FGGY: variants seen among roughly 807,000 people sequenced by gnomAD.
FGGY encodes FGGY carbohydrate kinase domain containing.
FGGY carries 72 observed loss-of-function variants against 71.3 expected under a neutral mutation model. The observed-to-expected ratio is 1.01, with a 90% CI of 0.84 to 1.23. The LOEUF is 1.23. Ranked by LOEUF, FGGY falls within the 50% of genes most tolerant of loss-of-function variation. The pLI, the probability that FGGY is intolerant of heterozygous loss-of-function variation, is 0.00. For missense variants in FGGY, 668 were observed against 682.3 expected (o/e 0.98, Z 0.23); for synonymous variants, 251 against 250.3 (o/e 1.00, Z -0.02).
intron 7 of FGGY, among the ~76,000 whole-genome samples, chr1:59,517,251 G>GC (rs2094684308): frequency 7.4e-6 from 1 of 135,068 alleles, no homozygotes; most frequent in South Asian, 2.3e-4. Context: ...CTTCTCAGTT[G>GC]CTCTTTTTTT....
intron 7 of FGGY, among the ~76,000 whole-genome samples, chr1:59,525,023 A>G (rs75312963): frequency 0.088 from 13,415 of 152,258 alleles, 1,346 homozygotes; most frequent in African/African-American, 0.25. Flanking sequence ...ACTGTCTTTA[A>G]GGCTTTGAGG....
chr1:59,390,755 A>G (rs1339600140), intron 5 of FGGY, among the ~76,000 whole-genome samples: 1 of 152,162 alleles, frequency 6.6e-6, no homozygotes, highest in Non-Finnish European at 1.5e-5. Context: ...TTTCTCAGCA[A>G]TTTACATTGA....
At chr1:59,737,789 G>C (rs2098117991) in intron 14 of FGGY, among the ~76,000 whole-genome samples, 1 of 152,176 alleles carries the variant, frequency 6.6e-6, no homozygotes, top group Non-Finnish European at 1.5e-5. Flanking sequence ...TTAAGACTTT[G>C]AGGGACTTTT....
At chr1:59,526,624 A>C (rs938551133) in intron 7 of FGGY, among the ~76,000 whole-genome samples, 15 of 152,250 alleles carry the variant, frequency 9.9e-5, no homozygotes, top group African/African-American at 3.4e-4. Flanking sequence ...ACTCCTAGAA[A>C]GTGAAAACTT....
chr1:59,332,246 A>G lies in FGGY; in HGVS notation c.202-7712A>G, dbSNP rs541377597. On this transcript the variant is annotated intron_variant, in intron 2 of 15. Transcript: ENST00000303721. ...TTGTTAGACATGGAACAGGTTACCA[A>G]ATGAGGTTGCAGAAATCTCTTTCTC... 1.9e-3 allele frequency among the ~76,000 whole-genome samples: 282 copies of G among 152,308 alleles called. 3 individuals are homozygous for G. The highest frequency in any genetic ancestry group is 0.01 in the Middle Eastern group (3 of 294).
intron 14 of FGGY, among the ~76,000 whole-genome samples, chr1:59,737,566 C>G (rs2098116482): frequency 6.6e-6 from 1 of 152,252 alleles, no homozygotes; most frequent in African/African-American, 2.4e-5. Flanking sequence ...GACTGCCTCA[C>G]TGGATTTTGG....
chr1:59,490,482 T>C (rs145119687), intron 6 of FGGY, among the ~76,000 whole-genome samples: 24 of 152,336 alleles, frequency 1.6e-4, no homozygotes, highest in African/African-American at 5.8e-4. Flanking sequence ...TTTCACTGTG[T>C]TGATTGTTTC....
intron 1 of FGGY, among the ~76,000 whole-genome samples, chr1:59,307,525 G>C (rs2043633376): frequency 6.6e-6 from 1 of 152,112 alleles, no homozygotes; most frequent in Non-Finnish European, 1.5e-5. Flanking sequence ...GACCCTGACA[G>C]GTGACCTAAC....
intron 12 of FGGY, among the ~76,000 whole-genome samples, chr1:59,664,211 T>C (rs966759448): frequency 3.3e-5 from 5 of 152,264 alleles, no homozygotes; most frequent in Admixed American, 2.6e-4. Context: ...TTTAAATTTC[T>C]CTGTGAAAAC....
Position 59,512,471 on chromosome 1 carries a change from C to T in FGGY, c.799+32C>T, listed in dbSNP as rs753337880. On this transcript the variant is annotated intron_variant, in intron 7 of 15. Coordinates refer to ENST00000303721, the MANE Select transcript of FGGY (RefSeq NM_018291.5). ...TCTTATTTGTTGCCTACAGCCAAAA[C>T]CGTATTCAAATGGAATATTCCCTAG... The T allele has an allele frequency of 3.7e-6, 6 of 1,603,930 alleles. No individual in the cohort carries two copies. In the Admixed American group the frequency reaches 5.1e-5, roughly 14 times the overall value.
chr1:59,431,134 C>T (rs550144841), intron 5 of FGGY, among the ~76,000 whole-genome samples: 1 of 152,258 alleles, frequency 6.6e-6, no homozygotes, highest in South Asian at 2.1e-4. Flanking sequence ...TCCAACTTCT[C>T]CCCCATGTCA....
intron 8 of FGGY, among the ~76,000 whole-genome samples, chr1:59,565,404 C>A (rs569013779): frequency 6.6e-6 from 1 of 152,160 alleles, no homozygotes; most frequent in Non-Finnish European, 1.5e-5. Context: ...CCTGCCTCAG[C>A]CTCCTGAGTA....
At chr1:59,546,640 A>G (rs1009912664) in intron 7 of FGGY, among the ~76,000 whole-genome samples, 8 of 151,330 alleles carry the variant, frequency 5.3e-5, no homozygotes, top group Non-Finnish European at 1.0e-4. Context: ...TCTGCTTCCC[A>G]GGTTCACGCC....
intron 9 of FGGY, among the ~76,000 whole-genome samples, chr1:59,612,160 T>G (rs1235408360): frequency 6.6e-6 from 1 of 152,036 alleles, no homozygotes; most frequent in East Asian, 1.9e-4. Flanking sequence ...ACAAAGATAC[T>G]CCTCGAGAAG....
At position 59,563,164 on chromosome 1, in the gene FGGY, T is replaced by A. The variant is rs987573083; in HGVS notation, c.903+8937T>A. On this transcript the variant is annotated intron_variant, in intron 8 of 15. Coordinates refer to ENST00000303721, the MANE Select transcript of FGGY (RefSeq NM_018291.5). ...TAGGAGTGGTGAGAGAGGGCATCCT[T>A]GTCTTGTGCCGGTTTTCAAAGGGAA... Among the ~76,000 whole-genome samples, 9 of 152,338 alleles carry A rather than the reference T, an allele frequency of 5.9e-5. No homozygotes were observed. In the East Asian group the frequency reaches 1.7e-3, roughly 29 times the overall value.
At chr1:59,603,018 T>C (rs1348298277) in intron 8 of FGGY, among the ~76,000 whole-genome samples, 1 of 152,200 alleles carries the variant, frequency 6.6e-6, no homozygotes, top group East Asian at 1.9e-4. Flanking sequence ...TTTTTATTAC[T>C]GTTTTTGAAG....
intron 6 of FGGY, among the ~76,000 whole-genome samples, chr1:59,463,371 C>T (rs932502855): frequency 2.0e-5 from 3 of 152,044 alleles, no homozygotes; most frequent in South Asian, 2.1e-4. Context: ...GCACTACACA[C>T]GGAAAGGAAC....
chr1:59,642,344 C>T (rs560421116), intron 11 of FGGY, among the ~76,000 whole-genome samples: 2 of 152,274 alleles, frequency 1.3e-5, no homozygotes, highest in Admixed American at 6.5e-5. Context: ...GAGCAAATCA[C>T]GGCTGTGTGC....
intron 5 of FGGY, among the ~76,000 whole-genome samples, chr1:59,384,026 G>A (rs1276489093): frequency 1.3e-5 from 2 of 152,150 alleles, no homozygotes; most frequent in Non-Finnish European, 2.9e-5. Flanking sequence ...GGTTCACAAA[G>A]TGGAGGGCGT....
Sources: allele counts gnomAD v4.1 joint callset (sites outside exome capture counted in the v4.1 genomes callset), GRCh38; gene constraint gnomAD v4.1.1; transcripts MANE v1.5; gene names NCBI Gene and HGNC (gene_info 2026-07-23, HGNC 2026-07-21).